Variants in CHN2 observed in about 807,000 individuals in gnomAD.
CHN2 encodes the protein chimerin 2, also known as beta-chimaerin.
In CHN2, 35 loss-of-function variants were observed where a neutral mutation model predicts 56.3. The observed-to-expected ratio is 0.62, with a 90% confidence interval of 0.47 to 0.82. CHN2 has a LOEUF of 0.82. CHN2 is among the 40% of genes least tolerant of loss of function. The pLI, the probability that CHN2 is intolerant of heterozygous loss-of-function variation, is 0.00. For synonymous variants in CHN2, 210 were observed against 212.8 expected (o/e 0.99, Z 0.12); for missense variants, 491 against 580.5 (o/e 0.85, Z 1.58).
At chr7:29,388,738 C>T (rs953079331) in intron 3 of CHN2, among the ~76,000 whole-genome samples, 7 of 152,134 alleles carry the variant, frequency 4.6e-5, no homozygotes, top group Non-Finnish European at 7.4e-5. Context: ...AGGGCACACA[C>T]TTATGGCCTC....
intron 12 of CHN2, among the ~76,000 whole-genome samples, chr7:29,512,291 AAT>A (rs67789400): frequency 0.16 from 24,238 of 152,072 alleles, 2,191 homozygotes; most frequent in Non-Finnish European, 0.2. Context: ...ACATTTACTT[AAT>A]AAGGAGGACT....
intron 6 of CHN2, among the ~76,000 whole-genome samples, chr7:29,402,224 T>C (rs1237067744): frequency 6.6e-6 from 1 of 152,178 alleles, no homozygotes; most frequent in Non-Finnish European, 1.5e-5. Context: ...ACAGGGATCA[T>C]GTCAACTGAT....
At chr7:29,322,631 G>T (rs375207930) in intron 1 of CHN2, among the ~76,000 whole-genome samples, 1 of 152,140 alleles carries the variant, frequency 6.6e-6, no homozygotes, top group Non-Finnish European at 1.5e-5. Flanking sequence ...ATTTCAATAC[G>T]GTTCTGTGGC....
At chr7:29,305,371 G>A (rs1794057208) in intron 1 of CHN2, among the ~76,000 whole-genome samples, 1 of 152,072 alleles carries the variant, frequency 6.6e-6, no homozygotes, top group Admixed American at 6.5e-5. Flanking sequence ...CCCTTTACCT[G>A]CTGTCCATAT....
intron 2 of CHN2, among the ~76,000 whole-genome samples, chr7:29,173,287 A>ATGCATC (rs1161049778): frequency 1.4e-4 from 22 of 152,274 alleles, no homozygotes; most frequent in African/African-American, 5.1e-4. Flanking sequence ...ATTGCCCTGA[A>ATGCATC]TGCATCTGCC....
At chr7:29,263,587 G>A (rs958798116) in intron 1 of CHN2, among the ~76,000 whole-genome samples, 21 of 151,790 alleles carry the variant, frequency 1.4e-4, no homozygotes, top group East Asian at 7.8e-4. Context: ...AGTGAGGAGC[G>A]TCTCTGCCTC....
At chr7:29,337,359 G>C (rs1239956628) in intron 1 of CHN2, among the ~76,000 whole-genome samples, 1 of 152,172 alleles carries the variant, frequency 6.6e-6, no homozygotes, top group Non-Finnish European at 1.5e-5. Flanking sequence ...ACTTTCACAT[G>C]CTGCGATTAG....
At chr7:29,354,940 TTTTA>T (rs58730020) in intron 2 of CHN2, among the ~76,000 whole-genome samples, 32,744 of 141,880 alleles carry the variant, frequency 0.23, 4,378 homozygotes, top group Non-Finnish European at 0.3. Context: ...GGGGCTTTAT[TTTTA>T]TTTATTTATT....
intron 1 of CHN2, chr7:29,200,820 C>T (rs1213173440): frequency 1.3e-5 from 2 of 152,126 alleles, no homozygotes; most frequent in African/African-American, 4.8e-5. Context: ...TGGGCCGGCC[C>T]TATAGGTAGG....
chr7:29,480,593 T>C (rs1787083744), intron 7 of CHN2, among the ~76,000 whole-genome samples: 1 of 152,228 alleles, frequency 6.6e-6, no homozygotes, highest in South Asian at 2.1e-4. Context: ...GACTTAGTTT[T>C]GGAGAATTGG....
chr7:29,198,980 T>C (rs1783945220), intron 1 of CHN2, among the ~76,000 whole-genome samples: 1 of 152,194 alleles, frequency 6.6e-6, no homozygotes, highest in Admixed American at 6.5e-5. Context: ...ACTTTTAAAA[T>C]TAAAATGCAA....
intron 3 of CHN2, among the ~76,000 whole-genome samples, chr7:29,391,329 G>A (rs1410226512): frequency 7.6e-6 from 1 of 130,872 alleles, no homozygotes; most frequent in African/African-American, 2.8e-5. Flanking sequence ...GGTAGGAAGG[G>A]AAGGGAAGAG....
At chr7:29,461,480 T>A (rs17158028) in intron 6 of CHN2, among the ~76,000 whole-genome samples, 3,614 of 152,300 alleles carry the variant, frequency 0.024, 132 homozygotes, top group African/African-American at 0.08. Context: ...ATTTAAGCTA[T>A]ATACTGAGCA....
At chr7:29,425,643 A>G (rs1804789221) in intron 6 of CHN2, among the ~76,000 whole-genome samples, 1 of 152,108 alleles carries the variant, frequency 6.6e-6, no homozygotes, top group Admixed American at 6.6e-5. Flanking sequence ...AGGTGTTCTG[A>G]CTTTTCCCCT....
At chr7:29,503,048 A>G (rs1459802724) in intron 9 of CHN2, among the ~76,000 whole-genome samples, 6 of 152,144 alleles carry the variant, frequency 3.9e-5, no homozygotes, top group African/African-American at 1.4e-4. Flanking sequence ...AAAGTGACTC[A>G]GTGAATCTTA....
rs562340358 is a variant in CHN2 at position 29,217,003 on chromosome 7, G to A, written c.49+22013G>A. 3.8e-3 allele frequency among the ~76,000 whole-genome samples: 582 copies of A among 152,256 alleles called. 4 individuals are homozygous for A. Among genetic ancestry groups the A allele is most frequent in the Middle Eastern group, 0.01 (3 of 294 alleles). On this transcript the variant is annotated intron_variant, in intron 1 of 12. Transcript: ENST00000222792. ...GTGTACTAACAGTACTTATTAGGAGGAAAAACCTCCAGAGAGTCAGAATAA... is the reference window on the plus strand; with the variant it reads ...GTGTACTAACAGTACTTATTAGGAGAAAAAACCTCCAGAGAGTCAGAATAA...
chr7:29,442,762 C>G (rs183777884), intron 6 of CHN2, among the ~76,000 whole-genome samples: 1 of 152,026 alleles, frequency 6.6e-6, no homozygotes, highest in African/African-American at 2.4e-5. Flanking sequence ...TCCTAACTAC[C>G]GCTAAAGTAA....
At chr7:29,267,424 A>G (rs1790243742) in intron 1 of CHN2, among the ~76,000 whole-genome samples, 1 of 151,790 alleles carries the variant, frequency 6.6e-6, no homozygotes, top group South Asian at 2.1e-4. Context: ...TTGTATTTTT[A>G]GTAGAGACAG....
At chr7:29,325,449 C>G (rs1013563421) in intron 1 of CHN2, among the ~76,000 whole-genome samples, 2 of 152,182 alleles carry the variant, frequency 1.3e-5, no homozygotes, top group Non-Finnish European at 2.9e-5. Context: ...AGGAATTGAG[C>G]GCTCTTTTTG....
Sources: gnomAD v4.1 joint callset for allele counts (sites outside exome capture counted in the v4.1 genomes callset) on GRCh38, gnomAD v4.1.1 for gene constraint, MANE v1.5 for transcripts, NCBI Gene and HGNC (gene_info 2026-07-23, HGNC 2026-07-21) for gene names.